The following NCOR1 variants were observed in gnomAD, a reference collection of about 807,000 sequenced individuals.
NCOR1 encodes the protein protein phosphatase 1, regulatory subunit 109.
Under a neutral mutation model 288.1 loss-of-function variants are expected in NCOR1, and 63 were observed. The ratio of observed to expected loss-of-function variants is 0.22; its 90% CI spans 0.18 to 0.27. The LOEUF (loss-of-function observed/expected upper bound fraction) is 0.27, where lower values mean the gene tolerates loss of function less well. Among genes scored for constraint, NCOR1 ranks in the 10% least tolerant of loss-of-function variants. The pLI is 1.00. For synonymous variants in NCOR1, 1,007 were observed against 1,065.9 expected, an observed-to-expected ratio of 0.94 and a Z score of 1.08; for missense variants, 2,397 against 3,019.2, an observed-to-expected ratio of 0.79 and a Z score of 4.83.
At chr17:16,080,104 C>G (rs531026012) in intron 25 of NCOR1, 40 bp from the exon 26 acceptor site, 1 of 1,544,980 alleles carries the variant, frequency 6.5e-7, no homozygotes, top group South Asian at 1.1e-5. Flanking sequence ...ACACCCCCAG[C>G]CCCTGCCCCA....
Position 16,070,269 on chromosome 17 carries a change from T to G in NCOR1, c.4409A>C (p.Gln1470Pro). 6.2e-7 allele frequency: 1 copy of G among 1,614,158 alleles called. No homozygotes were observed. Among genetic ancestry groups the G allele is most frequent in the African/African-American group, 1.3e-5 (1 of 75,042 alleles). ...GTCATCATAAATCCCAGGGCTCAGTTGTGCTTTGGGAGCTTCATGCAGTGT... is the reference window on the plus strand; with the variant it reads ...GTCATCATAAATCCCAGGGCTCAGTGGTGCTTTGGGAGCTTCATGCAGTGT... The part of the protein sequence containing the change: ...RSTLHEAPKA[Q>P]LSPGIYDDTS... The change falls in exon 31 of 46, where the codon CAA becomes CCA. Residue 1470 changes from glutamine (Q) to proline (P), a missense_variant. Transcript: ENST00000268712.
At chr17:16,151,780 C>A (rs1159345584) in intron 8 of NCOR1, among the ~76,000 whole-genome samples, 166 bp downstream of exon 8, 1 of 151,880 alleles carries the variant, frequency 6.6e-6, no homozygotes, top group Admixed American at 6.6e-5. Flanking sequence ...TTACCCCAAC[C>A]CCCAAGAAGC....
intron 12 of NCOR1, 36 bp downstream of exon 12, chr17:16,138,971 AG>A: frequency 7.2e-7 from 1 of 1,389,592 alleles, no homozygotes; most frequent in Non-Finnish European, 9.7e-7. Flanking sequence ...TAACTTATGT[AG>A]ATGTCTATTA....
intron 23 of NCOR1, among the ~76,000 whole-genome samples, chr17:16,083,094 A>G (rs896776018): frequency 2.6e-5 from 4 of 152,008 alleles, no homozygotes; most frequent in Non-Finnish European, 5.9e-5. Context: ...TTAGCCAGAC[A>G]GGGTGGCGTG....
chr17:16,190,112 C>T (rs972013156), intron 2 of NCOR1, among the ~76,000 whole-genome samples: 11 of 152,120 alleles, frequency 7.2e-5, no homozygotes, highest in African/African-American at 2.7e-4. Context: ...AACCTATAGT[C>T]CCAGCTACTC....
At chr17:16,161,234 C>CAG (rs1251823691) in intron 5 of NCOR1, among the ~76,000 whole-genome samples, 2 of 30,400 alleles carry the variant, frequency 6.6e-5, no homozygotes, top group Non-Finnish European at 1.7e-4. Flanking sequence ...CACACAGACA[C>CAG]ACACACACAC....
intron 3 of NCOR1, among the ~76,000 whole-genome samples, chr17:16,181,207 A>ATGTGTGTGTGTGTG (rs1422388328): frequency 4.5e-4 from 39 of 85,802 alleles, no homozygotes; most frequent in East Asian, 4.4e-3. Flanking sequence ...ATACATATAT[A>ATGTGTGTGTGTGTG]TGTATGTGTG....
intron 3 of NCOR1, among the ~76,000 whole-genome samples, chr17:16,179,777 A>G (rs1354948537): frequency 2.6e-5 from 4 of 152,170 alleles, no homozygotes; most frequent in Admixed American, 2.6e-4. Context: ...GCACTTTGGG[A>G]GGCCCAGGCG....
At chr17:16,192,041 A>C (rs2088491192) in intron 2 of NCOR1, 1 of 151,906 alleles carries the variant, frequency 6.6e-6, no homozygotes, top group South Asian at 2.1e-4. Context: ...TACAAAAAAA[A>C]AACAAAAAAA....
intron 44 of NCOR1, among the ~76,000 whole-genome samples, chr17:16,038,354 C>CA (rs1264024882): frequency 6.6e-6 from 1 of 152,102 alleles, no homozygotes; most frequent in Non-Finnish European, 1.5e-5. Flanking sequence ...ATGTCTGAAA[C>CA]AATGCTTATC....
chr17:16,063,707 G>GT (rs1567785197), intron 35 of NCOR1, among the ~76,000 whole-genome samples: 2 of 152,232 alleles, frequency 1.3e-5, no homozygotes, highest in Non-Finnish European at 2.9e-5. Flanking sequence ...GCTGCTAACT[G>GT]TATTTTCCAT....
rs1378012526 is a variant in NCOR1, at chr17:16,034,817, A to T, written c.7083T>A (p.Asp2361Glu). Residue 2361 changes from aspartate to glutamate, a missense_variant, in exon 45 of 46, where the codon GAT becomes GAA. This residue lies in a region of NCOR1 where 1,872 missense variants were observed against 2,187.8 expected (regional missense o/e 0.86). Transcript: ENST00000268712. ...SSVSSVHSEG[D>E]YHRQTPGWAW... ...CCCACCCTGGCGTCTGCCTATGGTA[A>T]TCCCCTTCTGAATGTACAGAGGAGA... 11 of 1,613,944 alleles carry T rather than the reference A, an allele frequency of 6.8e-6. No homozygotes were observed. The highest frequency in any genetic ancestry group is 9.3e-6 in the Non-Finnish European group (11 of 1,180,016).
chr17:16,151,904 A>G, intron 8 of NCOR1, 42 bp downstream of exon 8: 3 of 1,383,790 alleles, frequency 2.2e-6, no homozygotes, highest in South Asian at 1.2e-5. Context: ...TATAGAATAT[A>G]CGGTCTTTAA....
chr17:16,192,499 T>G (rs1316536073), intron 2 of NCOR1, among the ~76,000 whole-genome samples: 3 of 152,022 alleles, frequency 2.0e-5, no homozygotes, highest in Non-Finnish European at 4.4e-5. Flanking sequence ...CTACTAAAAA[T>G]ACAAAAATTA....
In NCOR1 at chr17:16,154,778, G is replaced by C. The variant is rs1420698000; in HGVS notation, c.733-1383C>G. Among the ~76,000 whole-genome samples, 8 of 152,162 alleles carry C rather than the reference G, an allele frequency of 5.3e-5. No individual in the cohort carries two copies. In the South Asian group the frequency reaches 1.7e-3, roughly 31 times the overall value. On this transcript the variant is annotated intron_variant, in intron 6 of 45. Transcript: ENST00000268712. ...TATGAAAGATGGGTTAGAAAGAAAG[G>C]ACTGAAGCGTGAGACTCAATAACTA...
chr17:16,063,489 A>G (rs2060770243), intron 35 of NCOR1, among the ~76,000 whole-genome samples: 1 of 152,128 alleles, frequency 6.6e-6, no homozygotes. Flanking sequence ...AGCTTATCTG[A>G]GTATTTCTAT....
intron 21 of NCOR1, among the ~76,000 whole-genome samples, chr17:16,093,650 G>A (rs1044352678): frequency 6.6e-6 from 1 of 152,024 alleles, no homozygotes; most frequent in South Asian, 2.1e-4. Context: ...TTCCCCTAGC[G>A]TAAGTAGTAT....
rs2075863191 is a variant in NCOR1, at chr17:16,132,912, CCCTT to C, written c.1509+4395_1509+4398del. 2.0e-5 allele frequency among the ~76,000 whole-genome samples: 3 copies of C among 150,570 alleles called. No individual in the cohort carries two copies. The South Asian group carries it at 6.3e-4, about 32-fold the overall frequency. On this transcript the variant is annotated intron_variant, in intron 14 of 45. Coordinates refer to ENST00000268712, the MANE Select transcript of NCOR1 (RefSeq NM_006311.4). ...CCTTTCCCTCCTTCCTTCCCTCCCT[CCCTT>C]CCTTCTTCTTCTTCTTTTTTCCCTC...
At position 16,040,648 on chromosome 17, in the gene NCOR1, A is replaced by T. The variant is rs567822965; in HGVS notation, c.6680-154T>A. Reference sequence around the variant, plus strand: ...CATTAAGTGAAGATAAAATGGAAGTATTTTTTTTTTTTGAGACAGGGTCTC... The same window carrying T: ...CATTAAGTGAAGATAAAATGGAAGTTTTTTTTTTTTTTGAGACAGGGTCTC... On this transcript the variant is annotated intron_variant, in intron 42 of 45. Coordinates refer to ENST00000268712, the MANE Select transcript of NCOR1 (RefSeq NM_006311.4). 4,959 of 636,350 alleles carry T rather than the reference A, an allele frequency of 7.8e-3. 51 individuals carry two copies. Among genetic ancestry groups the T allele is most frequent in the South Asian group, 0.035 (1,871 of 53,912 alleles). 39.4% of individuals were successfully genotyped at this position (636,350 alleles called of 1,614,324 possible).
Sources: allele counts gnomAD v4.1 joint callset (sites outside exome capture counted in the v4.1 genomes callset), GRCh38; gene constraint gnomAD v4.1.1; regional missense constraint gnomAD v4.1.1; transcripts MANE v1.5; gene names NCBI Gene and HGNC (gene_info 2026-07-23, HGNC 2026-07-21).